Variants in SREBF1 observed in about 807,000 individuals in gnomAD.
The protein encoded by SREBF1 is sterol regulatory element binding transcription factor 1, also known as sterol regulatory element-binding protein 1.
A neutral mutation model predicts 100.1 loss-of-function variants in SREBF1; 45 were observed. The ratio of observed to expected loss-of-function variants is 0.45; its 90% CI spans 0.35 to 0.58. The LOEUF (loss-of-function observed/expected upper bound fraction) is 0.58, where lower values mean the gene tolerates loss of function less well. SREBF1 is among the 20% of genes least tolerant of loss of function. The pLI, the probability that SREBF1 is intolerant of heterozygous loss-of-function variation, is 0.00. For missense variants in SREBF1, 1,324 were observed against 1,539.4 expected (o/e 0.86, Z 2.34); for synonymous variants, 657 against 681.8 (o/e 0.96, Z 0.57).
At chr17:17,832,664 T>TA (rs2034931282) in intron 1 of SREBF1, among the ~76,000 whole-genome samples, 1 of 152,118 alleles carries the variant, frequency 6.6e-6, no homozygotes, top group Non-Finnish European at 1.5e-5. Flanking sequence ...CTCACGCCTG[T>TA]AATCCCAGCA....
At chr17:17,828,274 T>C (rs1017748675) in intron 1 of SREBF1, among the ~76,000 whole-genome samples, 2 of 152,212 alleles carry the variant, frequency 1.3e-5, no homozygotes, top group African/African-American at 2.4e-5. Flanking sequence ...TGAATTCCTA[T>C]TCCTCCATCA....
chr17:17,832,473 G>A (rs1004174413), intron 1 of SREBF1, among the ~76,000 whole-genome samples: 10 of 152,084 alleles, frequency 6.6e-5, no homozygotes, highest in Non-Finnish European at 1.2e-4. Context: ...GTCTCTCAAG[G>A]GACCTGGCAT....
chr17:17,829,038 C>T (rs576022756), intron 1 of SREBF1, among the ~76,000 whole-genome samples: 1 of 151,450 alleles, frequency 6.6e-6, no homozygotes, highest in South Asian at 2.1e-4. Context: ...ACTAAAAATA[C>T]AAAAATTAGC....
chr17:17,836,262 C>A (rs1013729005), intron 1 of SREBF1, among the ~76,000 whole-genome samples: 22 of 152,206 alleles, frequency 1.4e-4, no homozygotes, highest in African/African-American at 5.1e-4. Context: ...CGCGAGGCAG[C>A]GCCCATGCGC....
At chr17:17,818,410 G>T in intron 5 of SREBF1, 36 bp from the exon 6 acceptor site, 1 of 1,543,370 alleles carries the variant, frequency 6.5e-7, no homozygotes, top group Non-Finnish European at 8.9e-7. Context: ...GCGCACAGGT[G>T]GCCTGTCAGG....
rs970330120 is a variant in SREBF1, at chr17:17,819,689, C to T, written c.560G>A (p.Gly187Asp). The T allele has an allele frequency of 6.2e-7, 1 of 1,609,224 alleles. No individual in the cohort carries two copies. Among genetic ancestry groups the T allele is most frequent in the Non-Finnish European group, 8.5e-7 (1 of 1,178,772 alleles). ...CCCTGGCGGGGAAGCCAGTGGCAGGCCAGGCAGCGGCTGCTGGGTGTTCCC... is the reference window on the plus strand; with the variant it reads ...CCCTGGCGGGGAAGCCAGTGGCAGGTCAGGCAGCGGCTGCTGGGTGTTCCC... ...PPGNTQQPLP[G>D]LPLASPPGVP... is the part of the protein sequence containing the mutation. The change falls in exon 3 of 19, where the codon GGC (glycine) becomes GAC (aspartate). Residue 187 changes from glycine (G) to aspartate (D), a missense_variant. Gly to Asp is a moderately conservative substitution (Grantham distance 94, BLOSUM62 -1). Transcript: ENST00000261646.
intron 1 of SREBF1, among the ~76,000 whole-genome samples, chr17:17,825,083 A>G (rs922619072): frequency 6.6e-6 from 1 of 152,222 alleles, no homozygotes; most frequent in Non-Finnish European, 1.5e-5. Flanking sequence ...GCTGAACTCC[A>G]GGCATGAGTT....
chr17:17,823,594 C>T (rs780138877), intron 1 of SREBF1: 4 of 1,612,512 alleles, frequency 2.5e-6, no homozygotes, highest in Non-Finnish European at 3.4e-6. Flanking sequence ...TACCCCTCCC[C>T]GCGCCGACTT....
chr17:17,816,898 C>T, intron 9 of SREBF1, 60 bp downstream of exon 9: 1 of 1,609,068 alleles, frequency 6.2e-7, no homozygotes. Flanking sequence ...GGGTTGACAC[C>T]CAGCACCTTC....
In SREBF1 at chr17:17,824,600, C is replaced by T. The variant is rs976009018; in HGVS notation, c.92-4079G>A. On this transcript the variant is annotated intron_variant, in intron 1 of 18. Transcript: ENST00000261646. This position sits in a 1 kb window ranked among gnomAD's most constrained non-coding sequence, Gnocchi z 4.2. ...CAAAGGTAAAAGTTACACACACACA[C>T]ACACACAAAGTGATCAGAGCCTGGC... 2.0e-5 allele frequency among the ~76,000 whole-genome samples: 3 copies of T among 152,244 alleles called. No individual in the cohort carries two copies. The highest frequency in any genetic ancestry group is 7.2e-5 in the African/African-American group (3 of 41,460).
chr17:17,814,166 C>T (rs1423890326), intron 16 of SREBF1, 79 bp downstream of exon 16: 5 of 1,495,256 alleles, frequency 3.3e-6, no homozygotes, highest in East Asian at 2.4e-5. Context: ...TTCTGCAGCC[C>T]CTGGGGGCTG....
intron 1 of SREBF1, among the ~76,000 whole-genome samples, chr17:17,826,693 C>A (rs2034511924): frequency 6.6e-6 from 1 of 152,202 alleles, no homozygotes; most frequent in Non-Finnish European, 1.5e-5. Flanking sequence ...CAACAGGAAA[C>A]CTGAACCCCC....
At chr17:17,823,786 C>T (rs976026405) in intron 1 of SREBF1, among the ~76,000 whole-genome samples, 27 of 150,976 alleles carry the variant, frequency 1.8e-4, no homozygotes, top group African/African-American at 6.3e-4. Context: ...GGCCGCGCTG[C>T]CGCCTCGCTA....
At position 17,812,979 on chromosome 17, in the gene SREBF1, C is replaced by T. The variant is rs1047962631; in HGVS notation, c.3215-128G>A. On this transcript the variant is annotated intron_variant, in intron 18 of 18. Coordinates refer to ENST00000261646, the MANE Select transcript of SREBF1 (RefSeq NM_004176.5). ...ACACAGGTACCTGGCGGGGGCCTGGCGGGTTCCCCTCTCCCCACCCTAGTC... is the reference window on the plus strand; with the variant it reads ...ACACAGGTACCTGGCGGGGGCCTGGTGGGTTCCCCTCTCCCCACCCTAGTC... 3.3e-5 allele frequency: 28 copies of T among 857,294 alleles called. No homozygotes were observed. In the Admixed American group the frequency reaches 4.9e-4, roughly 15 times the overall value. The allele number at this position is 857,294 out of a possible 1,614,324, so 53.1% of individuals were successfully genotyped here.
intron 1 of SREBF1, among the ~76,000 whole-genome samples, chr17:17,821,585 G>C (rs1229427700): frequency 1.3e-5 from 2 of 152,312 alleles, no homozygotes; most frequent in South Asian, 4.2e-4. Flanking sequence ...GCTGAGGAGT[G>C]GGTGATTTTC....
chr17:17,825,990 A>G lies in SREBF1; in HGVS notation c.92-5469T>C, dbSNP rs142222039. On this transcript the variant is annotated intron_variant, in intron 1 of 18. Transcript: ENST00000261646. ...CAGCCCTGCAGCCTCCCTCAGAGAC[A>G]CACCCAAGTGGGCTATCTGGGGCTG... Among the ~76,000 whole-genome samples the G allele has an allele frequency of 6.8e-3, 1,040 of 152,274 alleles. 14 individuals carry two copies. The highest frequency in any genetic ancestry group is 0.024 in the African/African-American group (992 of 41,544).
At chr17:17,821,240 C>T (rs1408932276) in intron 1 of SREBF1, among the ~76,000 whole-genome samples, 1 of 152,154 alleles carries the variant, frequency 6.6e-6, no homozygotes, top group Non-Finnish European at 1.5e-5. Flanking sequence ...CCAACCCTTC[C>T]AGACAGCTCT....
intron 1 of SREBF1, among the ~76,000 whole-genome samples, chr17:17,833,555 C>G (rs575789692): frequency 6.7e-6 from 1 of 149,876 alleles, no homozygotes; most frequent in African/African-American, 2.5e-5. Flanking sequence ...AGGGATCTCA[C>G]TGTGTGATAA....
chr17:17,828,412 C>T (rs1262614189), intron 1 of SREBF1, among the ~76,000 whole-genome samples: 3 of 152,242 alleles, frequency 2.0e-5, no homozygotes, highest in Non-Finnish European at 4.4e-5. Context: ...CTAGGCTCTT[C>T]CCGGAGCTAC....
Sources: allele counts gnomAD v4.1 joint callset (sites outside exome capture counted in the v4.1 genomes callset), GRCh38; gene constraint gnomAD v4.1.1; non-coding constraint Gnocchi (gnomAD v3.1); transcripts MANE v1.5; gene names NCBI Gene and HGNC (gene_info 2026-07-23, HGNC 2026-07-21).